B3GLCT: variants seen among roughly 807,000 people sequenced by gnomAD.
B3GLCT encodes beta 3-glucosyltransferase.
Under a neutral mutation model 63.4 loss-of-function variants are expected in B3GLCT, and 65 were observed. That is an observed-to-expected ratio of 1.03 (90% CI 0.84 to 1.26). B3GLCT has a LOEUF of 1.26. Ranked by LOEUF, B3GLCT falls within the 50% of genes most tolerant of loss-of-function variation. B3GLCT has a pLI of 0.00. For missense variants in B3GLCT, 577 were observed against 604.8 expected (o/e 0.95, Z 0.48); for synonymous variants, 233 against 219.2 (o/e 1.06, Z -0.55).
intron 4 of B3GLCT, among the ~76,000 whole-genome samples, chr13:31,243,461 C>T (rs1283583950): frequency 1.3e-5 from 2 of 152,172 alleles, no homozygotes; most frequent in Non-Finnish European, 2.9e-5. Context: ...ATATATTCAT[C>T]TATTTTAATC....
intron 2 of B3GLCT, among the ~76,000 whole-genome samples, chr13:31,222,516 G>C (rs891504299): frequency 2.0e-5 from 3 of 152,224 alleles, no homozygotes; most frequent in African/African-American, 4.8e-5. Context: ...AGATGATAAA[G>C]TGCAATAATT....
chr13:31,255,010 C>T (rs1182611737), intron 6 of B3GLCT, among the ~76,000 whole-genome samples: 1 of 145,112 alleles, frequency 6.9e-6, no homozygotes, highest in African/African-American at 2.6e-5. Flanking sequence ...GCACTCCCGC[C>T]CAGGTGACAG....
chr13:31,216,683 T>C (rs1057321946), intron 2 of B3GLCT, among the ~76,000 whole-genome samples: 1 of 152,230 alleles, frequency 6.6e-6, no homozygotes, highest in African/African-American at 2.4e-5. Context: ...CTCCCACTTA[T>C]AAGTGAGAAC....
chr13:31,329,062 CA>C (rs1875781807), intron 14 of B3GLCT, among the ~76,000 whole-genome samples: 1 of 152,158 alleles, frequency 6.6e-6, no homozygotes, highest in Non-Finnish European at 1.5e-5. Flanking sequence ...CACATTAGAG[CA>C]GTAGAGAGGC....
chr13:31,312,968 C>T (rs1874800014), intron 12 of B3GLCT: 1 of 152,240 alleles, frequency 6.6e-6, no homozygotes, highest in Non-Finnish European at 1.5e-5. Flanking sequence ...TTTCTAGTCA[C>T]TCAGAAACCA....
At chr13:31,313,234 T>A (rs532148412) in intron 12 of B3GLCT, among the ~76,000 whole-genome samples, 1 of 152,348 alleles carries the variant, frequency 6.6e-6, no homozygotes, top group East Asian at 1.9e-4. Context: ...AGACCAGAAC[T>A]GTTAATGTTA....
At chr13:31,327,605 T>C (rs1337050235) in intron 14 of B3GLCT, among the ~76,000 whole-genome samples, 2 of 152,242 alleles carry the variant, frequency 1.3e-5, no homozygotes, top group East Asian at 1.9e-4. Context: ...TCTGGGATCA[T>C]TGTGGAATTA....
chr13:31,286,904 A>G, intron 12 of B3GLCT, 85 bp downstream of exon 12: 1 of 913,158 alleles, frequency 1.1e-6, no homozygotes, highest in Non-Finnish European at 1.7e-6. Context: ...TTTCTGGCCA[A>G]GATGAAGTAA....
intron 4 of B3GLCT, among the ~76,000 whole-genome samples, chr13:31,244,637 T>C (rs1871111661): frequency 6.6e-6 from 1 of 152,186 alleles, no homozygotes; most frequent in African/African-American, 2.4e-5. Context: ...GATAAGATCA[T>C]TTGATAGAAA....
At chr13:31,225,582 C>T (rs116170205) in intron 3 of B3GLCT, among the ~76,000 whole-genome samples, 181 of 152,312 alleles carry the variant, frequency 1.2e-3, no homozygotes, top group African/African-American at 4.1e-3. Context: ...AGTGATCTTC[C>T]GGCATTCATT....
At chr13:31,227,694 A>C (rs1870167424) in intron 3 of B3GLCT, among the ~76,000 whole-genome samples, 1 of 152,212 alleles carries the variant, frequency 6.6e-6, no homozygotes, top group Non-Finnish European at 1.5e-5. Flanking sequence ...CTGTGGAGCT[A>C]TCTGTTGTGT....
chr13:31,223,645 G>A (rs1869942602), intron 3 of B3GLCT, among the ~76,000 whole-genome samples: 2 of 152,210 alleles, frequency 1.3e-5, no homozygotes, highest in South Asian at 4.1e-4. Flanking sequence ...TTAATGGGAA[G>A]CATGCCCAGT....
At chr13:31,257,169 A>G (rs1190612679) in intron 6 of B3GLCT, among the ~76,000 whole-genome samples, 1 of 152,122 alleles carries the variant, frequency 6.6e-6, no homozygotes, top group East Asian at 1.9e-4. Context: ...ACATAACAAC[A>G]TGTTTTCCAT....
intron 8 of B3GLCT, among the ~76,000 whole-genome samples, chr13:31,270,999 G>A (rs547520191): frequency 6.6e-6 from 1 of 152,330 alleles, no homozygotes; most frequent in East Asian, 1.9e-4. Flanking sequence ...CTACACACGA[G>A]TTGAAGAGGA....
chr13:31,222,113 C>G (rs1869841931), intron 2 of B3GLCT, among the ~76,000 whole-genome samples: 1 of 128,408 alleles, frequency 7.8e-6, no homozygotes, highest in Admixed American at 9.6e-5. Flanking sequence ...GAGTCTTGCT[C>G]TGTTGCCCAG....
chr13:31,316,316 C>T (rs1228198410), intron 12 of B3GLCT, among the ~76,000 whole-genome samples: 2 of 149,876 alleles, frequency 1.3e-5, no homozygotes, highest in African/African-American at 4.9e-5. Flanking sequence ...CCTGCAGAGC[C>T]ACAGGGGTGG....
intron 13 of B3GLCT, among the ~76,000 whole-genome samples, chr13:31,318,261 T>C (rs1049122805): frequency 2.0e-5 from 3 of 152,216 alleles, no homozygotes; most frequent in African/African-American, 7.2e-5. Context: ...TTACTATTGG[T>C]GCGTGTAGGC....
chr13:31,297,375 G>GC (rs1874003120), intron 12 of B3GLCT, among the ~76,000 whole-genome samples: 2 of 127,784 alleles, frequency 1.6e-5, no homozygotes, highest in African/African-American at 2.9e-5. Context: ...TATTTTCTGG[G>GC]TTTTTTTTTT....
intron 12 of B3GLCT, among the ~76,000 whole-genome samples, chr13:31,309,408 G>A (rs906682144): frequency 6.6e-6 from 1 of 152,206 alleles, no homozygotes; most frequent in African/African-American, 2.4e-5. Flanking sequence ...TCTGCCTGGA[G>A]ATAGCCTTAG....
Sources: gnomAD v4.1 joint callset for allele counts (sites outside exome capture counted in the v4.1 genomes callset) on GRCh38, gnomAD v4.1.1 for gene constraint, MANE v1.5 for transcripts, NCBI Gene and HGNC (gene_info 2026-07-23, HGNC 2026-07-21) for gene names.